IL1RAPL1: variants seen among roughly 807,000 people sequenced by gnomAD.
IL1RAPL1 encodes the protein interleukin 1 receptor accessory protein like 1.
Under a neutral mutation model 48.4 loss-of-function variants are expected in IL1RAPL1, and 3 were observed. The observed-to-expected ratio is 0.06, with a 90% CI of 0.03 to 0.16. The LOEUF is 0.16. Among genes scored for constraint, IL1RAPL1 ranks in the 10% least tolerant of loss-of-function variants. IL1RAPL1 has a pLI of 1.00. For missense variants in IL1RAPL1, 349 were observed against 530.6 expected, an observed-to-expected ratio of 0.66 and a Z score of 3.36; for synonymous variants, 185 against 187.7, an observed-to-expected ratio of 0.99 and a Z score of 0.12.
At chrX:28,896,121 C>G (rs1922911807) in intron 2 of IL1RAPL1, among the ~76,000 whole-genome samples, 1 of 111,977 alleles carries the variant, frequency 8.9e-6, no homozygotes, top group Admixed American at 9.4e-5. Flanking sequence ...TGGAGTTCTT[C>G]TGTGCTGGAG....
At chrX:29,616,316 G>A (rs1178938880) in intron 5 of IL1RAPL1, among the ~76,000 whole-genome samples, 1 of 75,065 alleles carries the variant, frequency 1.3e-5, no homozygotes, top group South Asian at 7.6e-4. Context: ...GATGATCCAG[G>A]AGGGATTCTT....
rs746790750 is a variant in IL1RAPL1 at position 29,630,781 on chromosome X, G to A, written c.704-37649G>A. Among the ~76,000 whole-genome samples, 6 of 111,635 alleles carry A rather than the reference G, an allele frequency of 5.4e-5. No individual in the cohort carries two copies. In the South Asian group the frequency reaches 1.5e-3, roughly 28 times the overall value. On this transcript the variant is annotated intron_variant, in intron 5 of 10. Coordinates refer to ENST00000378993, the MANE Select transcript of IL1RAPL1 (RefSeq NM_014271.4). ...CCTCGATCTCCTGACCTCGTGATCC[G>A]CCCACCTCGGCCTCCCAAAGCGCTG...
intron 6 of IL1RAPL1, among the ~76,000 whole-genome samples, chrX:29,896,932 A>T (rs901395665): frequency 1.8e-5 from 2 of 112,903 alleles, no homozygotes; most frequent in Non-Finnish European, 3.7e-5. Context: ...GAAAGAATTT[A>T]TCGTGTAGCC....
chrX:29,319,512 TA>T (rs1932787903), intron 3 of IL1RAPL1, among the ~76,000 whole-genome samples: 2 of 96,450 alleles, frequency 2.1e-5, no homozygotes, highest in Non-Finnish European at 4.2e-5. Flanking sequence ...ACACATGTGA[TA>T]TTTTGTATGT....
chrX:29,111,960 C>T (rs1244080868), intron 2 of IL1RAPL1, among the ~76,000 whole-genome samples: 1 of 81,927 alleles, frequency 1.2e-5, no homozygotes, highest in East Asian at 4.2e-4. Context: ...GACGGCGTCT[C>T]ACTCTGTCAC....
chrX:29,575,929 A>G (rs1922760059), intron 5 of IL1RAPL1, among the ~76,000 whole-genome samples: 1 of 112,231 alleles, frequency 8.9e-6, no homozygotes, highest in Admixed American at 9.4e-5. Flanking sequence ...GAGGACCTCT[A>G]TCACCTGACG....
intron 8 of IL1RAPL1, among the ~76,000 whole-genome samples, chrX:29,923,993 G>A (rs757198622): frequency 1.8e-5 from 2 of 111,816 alleles, no homozygotes; most frequent in Non-Finnish European, 3.8e-5. Flanking sequence ...AGGGCTGGCT[G>A]TGTTCAAAAC....
At chrX:29,040,769 A>C (rs1926829709) in intron 2 of IL1RAPL1, among the ~76,000 whole-genome samples, 1 of 112,018 alleles carries the variant, frequency 8.9e-6, no homozygotes, top group South Asian at 3.7e-4. Flanking sequence ...GCTCCTAATC[A>C]AGATCAGATC....
At chrX:29,237,119 G>GATGGGTTGTTCCCAT (rs1931324869) in intron 2 of IL1RAPL1, among the ~76,000 whole-genome samples, 1 of 111,142 alleles carries the variant, frequency 9.0e-6, no homozygotes, top group Non-Finnish European at 1.9e-5. Context: ...TAATATATCT[G>GATGGGTTGTTCCCAT]CATGATGGGT....
At chrX:29,507,703 C>T (rs949972468) in intron 5 of IL1RAPL1, among the ~76,000 whole-genome samples, 7 of 109,465 alleles carry the variant, frequency 6.4e-5, no homozygotes, top group Non-Finnish European at 1.3e-4. Flanking sequence ...ATAGTGTGTT[C>T]AAGAAGCTAG....
rs779950377 is a variant in IL1RAPL1 at position 29,778,799 on chromosome X, A to G, written c.778+110295A>G. Among the ~76,000 whole-genome samples, 3 of 112,395 alleles carry G rather than the reference A, an allele frequency of 2.7e-5. No individual in the cohort carries two copies. The South Asian group carries it at 1.1e-3, about 41-fold the overall frequency. Reference sequence around the variant, plus strand: ...CAGCCAGAAATATTTACAAATGTAGAAGTGAGAATACTAAGCCAAATAACA... The same window carrying G: ...CAGCCAGAAATATTTACAAATGTAGGAGTGAGAATACTAAGCCAAATAACA... On this transcript the variant is annotated intron_variant, in intron 6 of 10. Transcript: ENST00000378993.
At chrX:29,643,120 G>A (rs941947805) in intron 5 of IL1RAPL1, among the ~76,000 whole-genome samples, 1 of 112,149 alleles carries the variant, frequency 8.9e-6, no homozygotes, top group African/African-American at 3.2e-5. Flanking sequence ...ATATTAGCTG[G>A]CTGATGCTAG....
intron 2 of IL1RAPL1, among the ~76,000 whole-genome samples, chrX:28,953,500 A>G (rs1663614867): frequency 9.0e-6 from 1 of 111,545 alleles, no homozygotes; most frequent in South Asian, 3.7e-4. Flanking sequence ...ATGCTTAACT[A>G]TTTATTATTC....
intron 2 of IL1RAPL1, among the ~76,000 whole-genome samples, chrX:28,812,929 T>C (rs993818308): frequency 1.8e-5 from 2 of 110,971 alleles, no homozygotes; most frequent in African/African-American, 6.5e-5. Context: ...ATTTTCTGTA[T>C]TAACATACTT....
chrX:29,331,896 T>A (rs183722445), intron 3 of IL1RAPL1, among the ~76,000 whole-genome samples: 15 of 110,693 alleles, frequency 1.4e-4, no homozygotes, highest in African/African-American at 4.9e-4. Context: ...ATGAGGATAA[T>A]AATAGTACCT....
chrX:29,247,131 C>T (rs899090504), intron 2 of IL1RAPL1, among the ~76,000 whole-genome samples: 19 of 111,597 alleles, frequency 1.7e-4, no homozygotes, highest in Admixed American at 6.7e-4. Flanking sequence ...GCAAGTTGGT[C>T]GGCTATGCCT....
At chrX:29,875,636 A>G (rs1254994765) in intron 6 of IL1RAPL1, among the ~76,000 whole-genome samples, 1 of 111,950 alleles carries the variant, frequency 8.9e-6, no homozygotes, top group Non-Finnish European at 1.9e-5. Flanking sequence ...AGAGTTCTAC[A>G]AGAGGCAATC....
chrX:29,562,115 A>ATCTATCT (rs1488435661), intron 5 of IL1RAPL1, among the ~76,000 whole-genome samples: 4 of 59,991 alleles, frequency 6.7e-5, no homozygotes, highest in Non-Finnish European at 9.1e-5. Context: ...CTATCTATCT[A>ATCTATCT]ATCTATCTAT....
intron 6 of IL1RAPL1, among the ~76,000 whole-genome samples, chrX:29,727,519 A>G (rs780753615): frequency 8.9e-6 from 1 of 112,291 alleles, no homozygotes; most frequent in South Asian, 3.7e-4. Flanking sequence ...GTTACCTGGG[A>G]TACTACTTTG....
Sources: gnomAD v4.1 joint callset for allele counts (sites outside exome capture counted in the v4.1 genomes callset) on GRCh38, gnomAD v4.1.1 for gene constraint, MANE v1.5 for transcripts, NCBI Gene and HGNC (gene_info 2026-07-23, HGNC 2026-07-21) for gene names.